ATP2C1: variants seen among roughly 807,000 people sequenced by gnomAD.
ATP2C1 encodes calcium-transporting ATPase type 2C member 1.
ATP2C1 carries 31 observed loss-of-function variants against 120.5 expected under a neutral mutation model. The ratio of observed to expected loss-of-function variants is 0.26; its 90% CI spans 0.19 to 0.35. ATP2C1 has a LOEUF of 0.35. ATP2C1 is among the 10% of genes least tolerant of loss of function. The pLI is 1.00. For synonymous variants in ATP2C1, 351 were observed against 358.7 expected (o/e 0.98, Z 0.24); for missense variants, 731 against 1,107.5 (o/e 0.66, Z 4.83).
At chr3:130,919,232 T>C (rs1387649990) in intron 2 of ATP2C1, 1 of 170,382 alleles carries the variant, frequency 5.9e-6, no homozygotes, top group African/African-American at 2.4e-5. Context: ...CTTTCTTTCT[T>C]TTTTTTTTAT....
intron 2 of ATP2C1, among the ~76,000 whole-genome samples, chr3:130,920,930 T>C (rs1442732818): frequency 6.6e-6 from 1 of 152,178 alleles, no homozygotes; most frequent in Admixed American, 6.5e-5. Context: ...TTTTCTATTG[T>C]AAATGAGATT....
rs189459504 is a variant in ATP2C1 at position 130,949,273 on chromosome 3, A to T, written c.532-4548A>T. Among the ~76,000 whole-genome samples the T allele has an allele frequency of 3.2e-3, 489 of 152,326 alleles. 1 individual carries two copies. The highest frequency in any genetic ancestry group is 5.0e-3 in the Non-Finnish European group (338 of 68,012). ...TGCTATTCCAGTGAACACACAAATG[A>T]TAAGAAGTAAAACATTCTTATTGTG... On this transcript the variant is annotated intron_variant, in intron 8 of 27. Coordinates refer to ENST00000510168, the MANE Select transcript of ATP2C1 (RefSeq NM_001378687.1).
intron 27 of ATP2C1, among the ~76,000 whole-genome samples, chr3:131,000,390 T>A (rs974183687): frequency 6.6e-6 from 1 of 152,148 alleles, no homozygotes; most frequent in Non-Finnish European, 1.5e-5. Flanking sequence ...TTCCTCTTTT[T>A]AAAAAAATGG....
intron 1 of ATP2C1, among the ~76,000 whole-genome samples, chr3:130,867,694 C>T (rs2068234497): frequency 6.7e-6 from 1 of 149,972 alleles, no homozygotes; most frequent in Non-Finnish European, 1.5e-5. Flanking sequence ...GAGATTGCAG[C>T]CTCTGCCCGG....
intron 14 of ATP2C1, among the ~76,000 whole-genome samples, chr3:130,965,252 ATC>A (rs980771278): frequency 2.0e-5 from 3 of 151,952 alleles, no homozygotes; most frequent in Admixed American, 6.6e-5. Context: ...CCTCCTTGAC[ATC>A]TCTCTTTCAG....
intron 1 of ATP2C1, among the ~76,000 whole-genome samples, chr3:130,865,537 AACTTG>A (rs1261538623): frequency 2.0e-5 from 3 of 152,228 alleles, no homozygotes. Context: ...CCCAAATTTC[AACTTG>A]ACTTCTATCT....
chr3:130,862,140 AT>A (rs961006271), intron 1 of ATP2C1, among the ~76,000 whole-genome samples: 626 of 138,222 alleles, frequency 4.5e-3, no homozygotes, highest in Middle Eastern at 0.011. Context: ...TGCCTGGCTA[AT>A]TTTTTTTTTT....
chr3:130,998,237 C>T (rs1320888361), intron 25 of ATP2C1, 57 bp from the exon 26 acceptor site: 14 of 1,127,862 alleles, frequency 1.2e-5, no homozygotes, highest in South Asian at 4.9e-5. Flanking sequence ...TAAAAAGCAG[C>T]GATTTATCCA....
At chr3:131,014,523 T>G in intron 26 of ATP2C1, 1 of 859,452 alleles carries the variant, frequency 1.2e-6, no homozygotes. Context: ...CGAAATTACT[T>G]AAGAATAATC....
chr3:130,930,693 G>A (rs536382996), intron 3 of ATP2C1, among the ~76,000 whole-genome samples, 167 bp downstream of exon 3: 5 of 152,100 alleles, frequency 3.3e-5, no homozygotes, highest in Non-Finnish European at 5.9e-5. Flanking sequence ...CTTGACATGG[G>A]GTTAAACTTG....
At chr3:130,885,863 T>G (rs1255637433) in intron 1 of ATP2C1, among the ~76,000 whole-genome samples, 1 of 152,186 alleles carries the variant, frequency 6.6e-6, no homozygotes, top group Non-Finnish European at 1.5e-5. Context: ...GTATTTTAAT[T>G]TTTATATTAG....
chr3:130,909,210 T>G (rs1226237615), intron 2 of ATP2C1, among the ~76,000 whole-genome samples: 5 of 152,118 alleles, frequency 3.3e-5, no homozygotes. Flanking sequence ...GGCAGTGAGA[T>G]CCCTCTGGAT....
downstream of ATP2C1, among the ~76,000 whole-genome samples, chr3:131,007,861 A>G (rs1037347338): frequency 6.6e-6 from 1 of 152,228 alleles, no homozygotes; most frequent in Admixed American, 6.5e-5. Context: ...GTGACTGTAG[A>G]AAATGTATGT....
chr3:130,921,254 G>C (rs898620984), intron 2 of ATP2C1, among the ~76,000 whole-genome samples: 1 of 151,802 alleles, frequency 6.6e-6, no homozygotes, highest in African/African-American at 2.4e-5. Context: ...ACTAACTTTT[G>C]TATTTTTAGT....
rs147511779 is a variant in ATP2C1 at position 131,010,718 on chromosome 3, T to C, written c.2630-5434T>C. Among the ~76,000 whole-genome samples, 1,441 of 152,346 alleles carry C rather than the reference T, an allele frequency of 9.5e-3. 17 individuals are homozygous for C. Among genetic ancestry groups the C allele is most frequent in the African/African-American group, 0.031 (1,287 of 41,574 alleles). ...TTTCCAGTGTGGCTACGGCTGGAGT[T>C]GCTATAATATTCTCACATTCCTGCC... is the stretch of plus-strand genomic sequence containing the variant. On this transcript the variant is annotated intron_variant, in intron 26 of 26. Transcript: ENST00000328560.
Position 130,894,671 on chromosome 3 carries a change from C to G in ATP2C1, c.-99C>G. On this transcript the variant is annotated 5_prime_UTR_variant, in exon 2 of 28. Coordinates refer to ENST00000510168, the MANE Select transcript of ATP2C1 (RefSeq NM_001378687.1). This position sits in a 1 kb window ranked among gnomAD's most constrained non-coding sequence, Gnocchi z 4.5. ...TGACAGCCTGGGATTCCGGGGGCTT[C>G]TCTTCCTTGTCCTCCTCCTCTCCTC... The G allele has an allele frequency of 6.2e-7, 1 of 1,611,930 alleles. No individual in the cohort carries two copies. Among genetic ancestry groups the G allele is most frequent in the Non-Finnish European group, 8.5e-7 (1 of 1,178,506 alleles).
chr3:130,930,586 T>A (rs1352978577), intron 3 of ATP2C1, 60 bp downstream of exon 3: 1 of 1,052,246 alleles, frequency 9.5e-7, no homozygotes, highest in East Asian at 2.4e-5. Context: ...TTAGACTCTA[T>A]AAAACAGTGC....
intron 12 of ATP2C1, chr3:130,963,218 A>G (rs1052137176): frequency 6.6e-6 from 1 of 152,028 alleles, no homozygotes; most frequent in African/African-American, 2.4e-5. Flanking sequence ...GTATGGTCGC[A>G]ATGTTTTACA....
intron 2 of ATP2C1, among the ~76,000 whole-genome samples, chr3:130,928,757 G>A (rs1388810699): frequency 6.6e-6 from 1 of 152,144 alleles, no homozygotes; most frequent in East Asian, 1.9e-4. Flanking sequence ...AGAAGATGAG[G>A]TTTGGGGATC....
Sources: allele counts gnomAD v4.1 joint callset (sites outside exome capture counted in the v4.1 genomes callset), GRCh38; gene constraint gnomAD v4.1.1; non-coding constraint Gnocchi (gnomAD v3.1); transcripts MANE v1.5; gene names NCBI Gene and HGNC (gene_info 2026-07-23, HGNC 2026-07-21).